Variants in SOX5 observed in about 807,000 individuals in gnomAD.
SOX5 encodes the protein transcription factor SOX-5.
A neutral mutation model predicts 92.0 loss-of-function variants in SOX5; 9 were observed. The observed-to-expected ratio is 0.10, with a 90% CI of 0.06 to 0.17. The LOEUF (loss-of-function observed/expected upper bound fraction) is 0.17. Among genes scored for constraint, SOX5 ranks in the 10% least tolerant of loss-of-function variants. SOX5 has a pLI of 1.00. For synonymous variants in SOX5, 344 were observed against 336.3 expected (o/e 1.02, Z -0.25); for missense variants, 642 against 944.5 (o/e 0.68, Z 4.20).
At position 23,760,331 on chromosome 12, in the gene SOX5, T is replaced by A. The variant is rs189194663; in HGVS notation, c.482-4607A>T. ...GATGGAATACAAAACCAGGTTCTCT[T>A]AATTTCAGGATCTGTCTCTTTAGGG... On this transcript the variant is annotated intron_variant, in intron 3 of 14. Transcript: ENST00000451604. 1.4e-4 allele frequency among the ~76,000 whole-genome samples: 22 copies of A among 152,208 alleles called. 1 individual carries two copies. The East Asian group carries it at 4.3e-3, about 29-fold the overall frequency.
chr12:23,957,640 C>T (rs1429999203), intron 4 of SOX5, among the ~76,000 whole-genome samples: 2 of 152,200 alleles, frequency 1.3e-5, no homozygotes, highest in Non-Finnish European at 2.9e-5. Flanking sequence ...ATTGTGTGGA[C>T]ACTCTGAAGA....
At chr12:23,554,407 C>G (rs991403242) in intron 11 of SOX5, among the ~76,000 whole-genome samples, 1 of 152,122 alleles carries the variant, frequency 6.6e-6, no homozygotes, top group Non-Finnish European at 1.5e-5. Context: ...TGCTGGGGCA[C>G]AGGCGAATTG....
At chr12:24,224,943 C>T (rs959453985) in intron 3 of SOX5, among the ~76,000 whole-genome samples, 1 of 152,206 alleles carries the variant, frequency 6.6e-6, no homozygotes, top group South Asian at 2.1e-4. Flanking sequence ...TCTCTCTTTA[C>T]ACAGCATTCT....
In SOX5 at chr12:23,842,592, T is replaced by C. The variant is rs2096531762; in HGVS notation, c.481+3391A>G. ...AGATTCTTGGAGATATGGATGATTC[T>C]AGCACTGGAGCAAGAAATATACAAA... On this transcript the variant is annotated intron_variant, in intron 3 of 14. Transcript: ENST00000451604. 1.3e-5 allele frequency among the ~76,000 whole-genome samples: 2 copies of C among 152,184 alleles called. 1 individual carries two copies. The highest frequency in any genetic ancestry group is 2.9e-5 in the Non-Finnish European group (2 of 68,034).
At chr12:24,214,443 T>C (rs897159361) in intron 3 of SOX5, among the ~76,000 whole-genome samples, 1 of 152,124 alleles carries the variant, frequency 6.6e-6, no homozygotes, top group Non-Finnish European at 1.5e-5. Flanking sequence ...TATTTTATTA[T>C]GATTTTATTA....
chr12:23,994,108 G>C (rs1304924694), intron 4 of SOX5, among the ~76,000 whole-genome samples: 3 of 151,942 alleles, frequency 2.0e-5, no homozygotes, highest in African/African-American at 7.3e-5. Context: ...GGGCAACAGA[G>C]CAAGACCTTG....
chr12:23,955,840 T>C (rs1372917546), upstream of SOX5, among the ~76,000 whole-genome samples: 1 of 152,178 alleles, frequency 6.6e-6, no homozygotes, highest in Non-Finnish European at 1.5e-5. Flanking sequence ...ACTTTCTGCA[T>C]TGTAATTTTT....
chr12:24,314,652 C>G (rs113327843), intron 2 of SOX5, among the ~76,000 whole-genome samples: 8 of 152,314 alleles, frequency 5.3e-5, no homozygotes, highest in African/African-American at 1.9e-4. Flanking sequence ...TTACAATGCC[C>G]TATGCGGCCT....
intron 1 of SOX5, among the ~76,000 whole-genome samples, chr12:23,916,503 T>C (rs1201651571): frequency 6.6e-6 from 1 of 152,054 alleles, no homozygotes; most frequent in Non-Finnish European, 1.5e-5. Flanking sequence ...GCTCATGGAG[T>C]ATATAGAAAC....
chr12:24,295,515 A>T lies in SOX5; in HGVS notation c.-173-18203T>A, dbSNP rs1440327609. On this transcript the variant is annotated intron_variant, in intron 2 of 4. Coordinates refer to the SOX5 transcript ENST00000446891. ...TTGCTCTGAATTATTTGTGCTCACT[A>T]AAGGATATTTTGTTCAGTGAAACTA... Among the ~76,000 whole-genome samples the T allele has an allele frequency of 1.1e-4, 16 of 152,296 alleles. No individual in the cohort carries two copies. The East Asian group carries it at 3.1e-3, about 29-fold the overall frequency.
At chr12:23,951,423 C>T (rs555086229), upstream of SOX5, among the ~76,000 whole-genome samples, 5 of 151,736 alleles carry the variant, frequency 3.3e-5, no homozygotes, top group African/African-American at 9.7e-5. Context: ...GTTGACCCCA[C>T]GGCAGTTTGA....
rs545189879 is a variant in SOX5 at position 24,385,470 on chromosome 12, C to T, written c.-250-16831G>A. 1.3e-3 allele frequency among the ~76,000 whole-genome samples: 204 copies of T among 152,182 alleles called. 2 individuals are homozygous for T. The highest frequency in any genetic ancestry group is 4.7e-3 in the African/African-American group (197 of 41,504). ...TTACAATGGGTTTATCAGGACATAA[C>T]CCCATTGTATGTCGGGAGCATCTGA... is the stretch of plus-strand genomic sequence containing the variant. On this transcript the variant is annotated intron_variant, in intron 1 of 4. Transcript: ENST00000446891.
intron 1 of SOX5, among the ~76,000 whole-genome samples, chr12:23,942,884 T>G (rs1360686022): frequency 6.6e-6 from 1 of 152,062 alleles, no homozygotes; most frequent in African/African-American, 2.4e-5. Context: ...TTCTGTTTTT[T>G]AACATTTTCT....
chr12:24,096,890 T>C (rs903410169), intron 4 of SOX5, among the ~76,000 whole-genome samples: 3 of 152,140 alleles, frequency 2.0e-5, no homozygotes, highest in African/African-American at 7.2e-5. Flanking sequence ...AGTATGTATA[T>C]AGAATTAGAA....
At chr12:24,203,995 G>C (rs1484228670) in intron 4 of SOX5, among the ~76,000 whole-genome samples, 2 of 152,000 alleles carry the variant, frequency 1.3e-5, no homozygotes, top group Non-Finnish European at 2.9e-5. Context: ...CACCAAAAAA[G>C]TCCATTCAGA....
At chr12:23,953,316 G>A (rs1006155052), upstream of SOX5, among the ~76,000 whole-genome samples, 11 of 152,046 alleles carry the variant, frequency 7.2e-5, no homozygotes, top group East Asian at 7.7e-4. Context: ...TGCATTAAAC[G>A]TTAAAATGTT....
chr12:23,647,502 G>A (rs1348915893), intron 7 of SOX5, among the ~76,000 whole-genome samples: 2 of 152,198 alleles, frequency 1.3e-5, no homozygotes, highest in African/African-American at 2.4e-5. Context: ...GACTTGACTT[G>A]TCCTCTCTAG....
chr12:23,558,103 T>C (rs1461381418), intron 11 of SOX5, among the ~76,000 whole-genome samples: 1 of 152,184 alleles, frequency 6.6e-6, no homozygotes, highest in East Asian at 1.9e-4. Context: ...TTTGATGTCA[T>C]TTTTGTAATA....
intron 6 of SOX5, among the ~76,000 whole-genome samples, chr12:23,731,203 G>C (rs1295599881): frequency 6.6e-6 from 1 of 152,164 alleles, no homozygotes; most frequent in Non-Finnish European, 1.5e-5. Context: ...TGGAGTGAAA[G>C]TTGTATCAAC....
Sources: allele counts gnomAD v4.1 joint callset (sites outside exome capture counted in the v4.1 genomes callset), GRCh38; gene constraint gnomAD v4.1.1; transcripts MANE v1.5; gene names NCBI Gene and HGNC (gene_info 2026-07-23, HGNC 2026-07-21).